FRMD4A: variants seen among roughly 807,000 people sequenced by gnomAD.
FRMD4A encodes FERM domain containing 4A, also known as FERM domain-containing protein 4A.
FRMD4A carries 29 observed loss-of-function variants against 129.1 expected under a neutral mutation model. The ratio of observed to expected loss-of-function variants is 0.22; its 90% CI spans 0.17 to 0.31. The LOEUF (loss-of-function observed/expected upper bound fraction) is 0.31, where lower values mean the gene tolerates loss of function less well. FRMD4A is among the 10% of genes least tolerant of loss of function. The pLI is 1.00. For missense variants in FRMD4A, 1,272 were observed against 1,375.8 expected, an observed-to-expected ratio of 0.92 and a Z score of 1.19; for synonymous variants, 634 against 571.6, an observed-to-expected ratio of 1.11 and a Z score of -1.56.
intron 2 of FRMD4A, chr10:13,890,898 T>C (rs1487662061): frequency 1.0e-6 from 1 of 977,438 alleles, no homozygotes; most frequent in South Asian, 4.7e-5. Context: ...AGAATACGCC[T>C]GAATGTACGA....
At chr10:13,835,258 A>C (rs1323470073) in intron 3 of FRMD4A, among the ~76,000 whole-genome samples, 1 of 152,186 alleles carries the variant, frequency 6.6e-6, no homozygotes, top group East Asian at 1.9e-4. Flanking sequence ...AGTAGCATGG[A>C]GATAACAACA....
At chr10:14,164,044 C>T (rs1240130690) in intron 2 of FRMD4A, among the ~76,000 whole-genome samples, 2 of 152,216 alleles carry the variant, frequency 1.3e-5, no homozygotes, top group African/African-American at 4.8e-5. Context: ...GCCATCCAGA[C>T]AGCTCCCACA....
Position 14,327,703 on chromosome 10 carries a change from C to T in FRMD4A, c.45+2355G>A, listed in dbSNP as rs559411865. On this transcript the variant is annotated intron_variant, in intron 2 of 24. Transcript: ENST00000357447. Reference sequence around the variant, plus strand: ...TGGCCAGATCATCTCCCCACCTACCCCTTAGCCCCGATGACTCCATAGCAC... The same window carrying T: ...TGGCCAGATCATCTCCCCACCTACCTCTTAGCCCCGATGACTCCATAGCAC... Among the ~76,000 whole-genome samples, 7 of 152,348 alleles carry T rather than the reference C, an allele frequency of 4.6e-5. No homozygotes were observed. The South Asian group carries it at 1.4e-3, about 32-fold the overall frequency.
Position 13,643,996 on chromosome 10 carries a change from T to C in FRMD4A, c.*3042A>G, listed in dbSNP as rs1484833805. ...ACTTGTAATAAACTATTGACATTAA[T>C]GTATATGTAAAACTTTACACCTAGT... On this transcript the variant is annotated 3_prime_UTR_variant, in exon 25 of 25. Coordinates refer to ENST00000357447, the MANE Select transcript of FRMD4A (RefSeq NM_018027.5). The C allele has an allele frequency of 6.6e-6, 1 of 152,670 alleles. No homozygotes were observed. The highest frequency in any genetic ancestry group is 1.5e-5 in the Non-Finnish European group (1 of 68,042). The allele number at this position is 152,670 out of a possible 1,614,324, so 9.5% of individuals were successfully genotyped here. A position where few individuals can be genotyped will look rare whatever the true frequency, so the allele number is the denominator to read the frequency against.
intron 2 of FRMD4A, among the ~76,000 whole-genome samples, chr10:13,942,843 G>T (rs2095303289): frequency 6.6e-6 from 1 of 152,074 alleles, no homozygotes; most frequent in South Asian, 2.1e-4. Flanking sequence ...TGAGGCAGGA[G>T]AATTGCTTGA....
chr10:14,156,093 G>A (rs1256739233), intron 2 of FRMD4A, among the ~76,000 whole-genome samples: 1 of 152,080 alleles, frequency 6.6e-6, no homozygotes, highest in African/African-American at 2.4e-5. Flanking sequence ...AATGGTCATA[G>A]CAGTATTGTT....
intron 3 of FRMD4A, among the ~76,000 whole-genome samples, chr10:13,842,192 T>G (rs559670012): frequency 4.6e-5 from 7 of 152,006 alleles, no homozygotes; most frequent in Admixed American, 3.3e-4. Flanking sequence ...TCCAAACAAT[T>G]ATCCCAAGAA....
intron 2 of FRMD4A, among the ~76,000 whole-genome samples, chr10:14,164,484 GT>G (rs1263459689): frequency 6.6e-6 from 1 of 152,198 alleles, no homozygotes; most frequent in Non-Finnish European, 1.5e-5. Context: ...GATTCGCATG[GT>G]TAAAAATACA....
At chr10:13,875,408 C>A (rs2094478677) in intron 2 of FRMD4A, among the ~76,000 whole-genome samples, 1 of 152,094 alleles carries the variant, frequency 6.6e-6, no homozygotes, top group South Asian at 2.1e-4. Flanking sequence ...ATGTATTTCC[C>A]CCCAGTGATT....
intron 2 of FRMD4A, among the ~76,000 whole-genome samples, chr10:14,298,807 A>G (rs1341491021): frequency 6.6e-6 from 1 of 152,192 alleles, no homozygotes; most frequent in Non-Finnish European, 1.5e-5. Context: ...AGTAGCTGTT[A>G]GGAGCAATGA....
chr10:13,934,565 T>C (rs2131294513), intron 2 of FRMD4A, among the ~76,000 whole-genome samples: 1 of 152,246 alleles, frequency 6.6e-6, no homozygotes, highest in Non-Finnish European at 1.5e-5. Context: ...CCCACTTATA[T>C]CCTTGTTGAC....
At chr10:14,152,117 CTTTTTTTTT>C (rs36023583) in intron 2 of FRMD4A, among the ~76,000 whole-genome samples, 5 of 54,110 alleles carry the variant, frequency 9.2e-5, no homozygotes, top group African/African-American at 3.0e-4. Flanking sequence ...TTGTGTAGTG[CTTTTTTTTT>C]TTTTTTTTTT....
chr10:13,815,197 C>G (rs1235781409), intron 3 of FRMD4A, among the ~76,000 whole-genome samples: 2 of 152,110 alleles, frequency 1.3e-5, no homozygotes, highest in Non-Finnish European at 2.9e-5. Context: ...GGATTCAAAA[C>G]AAGGTTGAGA....
At chr10:13,950,907 C>A (rs1261168784) in intron 2 of FRMD4A, among the ~76,000 whole-genome samples, 3 of 152,092 alleles carry the variant, frequency 2.0e-5, no homozygotes, top group Non-Finnish European at 2.9e-5. Flanking sequence ...ATTTGAGAGT[C>A]ACAGATAAGC....
intron 2 of FRMD4A, among the ~76,000 whole-genome samples, chr10:14,055,742 G>A (rs960033698): frequency 6.6e-6 from 1 of 152,208 alleles, no homozygotes; most frequent in African/African-American, 2.4e-5. Context: ...GGGTACATGA[G>A]ACGTTTTGAT....
chr10:13,695,387 C>T (rs1298752608), intron 14 of FRMD4A, among the ~76,000 whole-genome samples: 2 of 152,118 alleles, frequency 1.3e-5, no homozygotes, highest in East Asian at 1.9e-4. Context: ...GTGATCCGCC[C>T]GCTGCAGCCT....
At chr10:14,318,033 T>A (rs1182600604) in intron 2 of FRMD4A, among the ~76,000 whole-genome samples, 3 of 152,126 alleles carry the variant, frequency 2.0e-5, no homozygotes, top group Non-Finnish European at 4.4e-5. Context: ...CACTCAGTAA[T>A]TGTAGAGAAT....
intron 15 of FRMD4A, chr10:13,684,120 A>G (rs1256199295): frequency 1.3e-5 from 2 of 155,550 alleles, no homozygotes; most frequent in Non-Finnish European, 2.8e-5. Flanking sequence ...CCTCCCAGTT[A>G]TCGGGAGGAA....
intron 9 of FRMD4A, among the ~76,000 whole-genome samples, chr10:13,740,890 G>C (rs2090960778): frequency 6.8e-6 from 1 of 147,004 alleles, no homozygotes; most frequent in Non-Finnish European, 1.5e-5. Flanking sequence ...GCAATGGTGC[G>C]ATCTTGGTTC....
Sources: allele counts gnomAD v4.1 joint callset (sites outside exome capture counted in the v4.1 genomes callset), GRCh38; gene constraint gnomAD v4.1.1; transcripts MANE v1.5; gene names NCBI Gene and HGNC (gene_info 2026-07-23, HGNC 2026-07-21).